The following RADIL variants were observed in gnomAD, a reference collection of about 807,000 sequenced individuals.
The protein encoded by RADIL is Rap associating with DIL domain, also known as ras-associating and dilute domain-containing protein.
RADIL carries 99 observed loss-of-function variants against 97.6 expected under a neutral mutation model. The ratio of observed to expected loss-of-function variants is 1.01; its 90% confidence interval spans 0.86 to 1.20. RADIL has a LOEUF of 1.20. Ranked by LOEUF, RADIL falls within the 50% of genes most tolerant of loss-of-function variation. The probability of loss-of-function intolerance (pLI) is 0.00; values close to 1 mark genes in which losing one functional copy is unlikely to be tolerated. For synonymous variants in RADIL, 803 were observed against 691.8 expected, an observed-to-expected ratio of 1.16 and a Z score of -2.52; for missense variants, 1,765 against 1,498.9, an observed-to-expected ratio of 1.18 and a Z score of -2.93.
At chr7:4,844,987 C>G (rs1783533374) in intron 2 of RADIL, among the ~76,000 whole-genome samples, 1 of 151,100 alleles carries the variant, frequency 6.6e-6, no homozygotes, top group Non-Finnish European at 1.5e-5. Flanking sequence ...AGTGCTAGGA[C>G]TGAGGAAAGG....
intron 10 of RADIL, 154 bp downstream of exon 10, chr7:4,805,412 G>T: frequency 2.2e-6 from 2 of 912,834 alleles, no homozygotes; most frequent in Non-Finnish European, 1.5e-6. Flanking sequence ...GGCGGGGCGG[G>T]GGGGTCCTCT....
intron 12 of RADIL, 64 bp downstream of exon 12, chr7:4,801,589 C>T (rs970450306): frequency 2.1e-5 from 31 of 1,490,252 alleles, no homozygotes; most frequent in African/African-American, 1.4e-4. Context: ...CCCAGGGGAC[C>T]GGCCATCAGG....
In RADIL at chr7:4,872,499, C is replaced by A. The variant is rs1160266711; in HGVS notation, c.535+5106G>T. Among the ~76,000 whole-genome samples, 1 of 152,166 alleles carries A rather than the reference C, an allele frequency of 6.6e-6. No homozygotes were observed. Among genetic ancestry groups the A allele is most frequent in the Non-Finnish European group, 1.5e-5 (1 of 68,038 alleles). On this transcript the variant is annotated intron_variant, in intron 2 of 14. Transcript: ENST00000399583. The surrounding 1 kb of genome is among the most constrained non-coding windows in gnomAD (Gnocchi z 5.8). Reference sequence around the variant, plus strand: ...AAAAACCACATGGCCCTGTCATCGCCCCTCCCCAGTGCATCTAAGTGGCTG... The same window carrying A: ...AAAAACCACATGGCCCTGTCATCGCACCTCCCCAGTGCATCTAAGTGGCTG...
In RADIL at chr7:4,880,202, G is replaced by C. The variant is rs115879853; in HGVS notation, c.-64-1999C>G. ...GGAGCCTTGAGGTTCCATCGAGCCAGGCCATAAAGGAGTAAAGGAGCAAAG... is the reference window on the plus strand; with the variant it reads ...GGAGCCTTGAGGTTCCATCGAGCCACGCCATAAAGGAGTAAAGGAGCAAAG... On this transcript the variant is annotated intron_variant, in intron 1 of 14. Transcript: ENST00000399583. The surrounding 1 kb of genome is among the most constrained non-coding windows in gnomAD (Gnocchi z 4.5). 5.9e-3 allele frequency among the ~76,000 whole-genome samples: 892 copies of C among 152,254 alleles called. 10 individuals carry two copies. The highest frequency in any genetic ancestry group is 0.02 in the African/African-American group (839 of 41,540).
At chr7:4,838,020 C>T (rs1171989406) in intron 2 of RADIL, 3 of 985,446 alleles carry the variant, frequency 3.0e-6, no homozygotes, top group Non-Finnish European at 3.6e-6. Flanking sequence ...CCAGCAGCCC[C>T]GCCGTCCTTC....
In RADIL at chr7:4,803,714, G is replaced by C. The variant is rs1421661427; in HGVS notation, c.2331C>G (p.Val777=). The C allele has an allele frequency of 3.2e-6, 5 of 1,567,764 alleles. No individual in the cohort carries two copies. The highest frequency in any genetic ancestry group is 3.5e-6 in the Non-Finnish European group (4 of 1,157,104). Residue 777 remains valine, a synonymous_variant, in exon 11 of 15, where the codon GTC becomes GTG. Transcript: ENST00000399583. ...CCACCTGGAAGCCGTCGCTGGGCAG[G>C]ACGATGGGTGGGGGGTTTTCGTAGG... ...LESYENPPPI[V]LPSDGFQVDL...
chr7:4,799,792 G>A, intron 13 of RADIL, 23 bp from the exon 14 acceptor site: 1 of 1,494,824 alleles, frequency 6.7e-7, no homozygotes, highest in Non-Finnish European at 8.9e-7. Context: ...AGAGGCCTCA[G>A]AGCTCCGCAG....
chr7:4,880,545 C>A lies in RADIL; in HGVS notation c.-64-2342G>T, dbSNP rs371026088. On this transcript the variant is annotated intron_variant, in intron 1 of 14. Coordinates refer to ENST00000399583, the MANE Select transcript of RADIL (RefSeq NM_018059.5). The surrounding 1 kb of genome is among the most constrained non-coding windows in gnomAD (Gnocchi z 4.5). ...TTATTAACCATCCATGAGAGCTGCA[C>A]AACCCTGCTCCAAAGCACCTCTCCA... Among the ~76,000 whole-genome samples the A allele has an allele frequency of 3.9e-5, 6 of 152,356 alleles. No homozygotes were observed. The East Asian group carries it at 1.2e-3, about 29-fold the overall frequency.
chr7:4,804,407 C>T (rs1029247943), intron 10 of RADIL, among the ~76,000 whole-genome samples: 1 of 152,236 alleles, frequency 6.6e-6, no homozygotes, highest in African/African-American at 2.4e-5. Flanking sequence ...ATCGCCTCTG[C>T]GCCTCCCGCC....
chr7:4,835,061 G>A lies in RADIL; in HGVS notation c.962C>T (p.Pro321Leu). The change falls in exon 4 of 15, where the codon CCC becomes CTC. Residue 321 changes from proline (P) to leucine (L), a missense_variant. Pro to Leu is a moderately conservative substitution (Grantham distance 98). Coordinates refer to ENST00000399583, the MANE Select transcript of RADIL (RefSeq NM_018059.5). The surrounding 1 kb of genome is among the most constrained non-coding windows in gnomAD (Gnocchi z 5.8). ...AAGRLVLEPIPGAHISVNFSE... is the reference protein window; with the variant it reads ...AAGRLVLEPILGAHISVNFSE... ...GAAGTTGACGGAGATGTGCGCCCCG[G>A]GGATGGGCTCCAGGACCAGCCTCCC... 1 of 1,608,332 alleles carries A rather than the reference G, an allele frequency of 6.2e-7. No individual in the cohort carries two copies. The highest frequency in any genetic ancestry group is 8.5e-7 in the Non-Finnish European group (1 of 1,177,960).
At position 4,836,612 on chromosome 7, in the gene RADIL, C is replaced by T; in HGVS notation, c.536-7G>A. The T allele has an allele frequency of 6.2e-7, 1 of 1,605,978 alleles. No individual in the cohort carries two copies. The highest frequency in any genetic ancestry group is 8.5e-7 in the Non-Finnish European group (1 of 1,179,688). Reference sequence around the variant, plus strand: ...CGGGCCTGGGCGTTTATCCCTGGAACAGAAGCAACACAAGGTGAACAGTTA... The same window carrying T: ...CGGGCCTGGGCGTTTATCCCTGGAATAGAAGCAACACAAGGTGAACAGTTA... On this transcript the variant is annotated splice_region_variant and splice_polypyrimidine_tract_variant and intron_variant, in intron 2 of 14. Transcript: ENST00000399583.
At chr7:4,833,552 G>A (rs942630486) in intron 4 of RADIL, among the ~76,000 whole-genome samples, 8 of 152,214 alleles carry the variant, frequency 5.3e-5, no homozygotes, top group Non-Finnish European at 1.5e-5. Flanking sequence ...GGCTCCCACT[G>A]ACATCTGGAC....
Position 4,799,426 on chromosome 7 carries a change from G to C in RADIL, c.3180C>G (p.Ser1060=), listed in dbSNP as rs200348720. 17 of 1,613,724 alleles carry C rather than the reference G, an allele frequency of 1.1e-5. No homozygotes were observed. The highest frequency in any genetic ancestry group is 1.4e-5 in the Non-Finnish European group (16 of 1,179,994). ...GGATCTTCTTGGCTGTTTCCACGTC[G>C]GACTTCGCGACCAGGAACCGCATCT... ...GKKMRFLVAK[S]DVETAKKIHF... Residue 1060 remains serine, a synonymous_variant, in exon 15 of 15, where the codon TCC becomes TCG. Coordinates refer to ENST00000399583, the MANE Select transcript of RADIL (RefSeq NM_018059.5).
At chr7:4,861,899 G>A in intron 2 of RADIL, 1 of 936,042 alleles carries the variant, frequency 1.1e-6, no homozygotes, top group Non-Finnish European at 1.5e-6. Context: ...AGGCGGAAGG[G>A]CAGGGCTTCT....
intron 5 of RADIL, among the ~76,000 whole-genome samples, chr7:4,827,505 C>CA (rs1200748884): frequency 5.4e-4 from 76 of 142,040 alleles, no homozygotes; most frequent in Non-Finnish European, 8.6e-4. Context: ...ACTAAAAATA[C>CA]AAAAAATTAG....
intron 9 of RADIL, chr7:4,806,126 G>A (rs763402668): frequency 1.7e-4 from 153 of 878,734 alleles, no homozygotes; most frequent in Non-Finnish European, 1.9e-4. Context: ...TCATTTAGGT[G>A]ACAGGAGGCA....
rs1314363786 is a variant in RADIL, at chr7:4,873,630, A to C, written c.535+3975T>G. On this transcript the variant is annotated intron_variant, in intron 2 of 14. Coordinates refer to ENST00000399583, the MANE Select transcript of RADIL (RefSeq NM_018059.5). This position sits in a 1 kb window ranked among gnomAD's most constrained non-coding sequence, Gnocchi z 4.3. ...CTTTTGAAACTACACCACCCACTTC[A>C]GTAGGATTTGTTTCACTGCAGCCCC... Among the ~76,000 whole-genome samples, 1 of 152,162 alleles carries C rather than the reference A, an allele frequency of 6.6e-6. No individual in the cohort carries two copies. The highest frequency in any genetic ancestry group is 1.5e-5 in the Non-Finnish European group (1 of 68,036).
chr7:4,881,101 TAAAAAAAAAAAA>T (rs58900044), intron 1 of RADIL, among the ~76,000 whole-genome samples: 29 of 55,222 alleles, frequency 5.3e-4, no homozygotes, highest in African/African-American at 1.6e-3. Flanking sequence ...CCCTCTCTGT[TAAAAAAAAAAAA>T]AAAAAAAAAA....
intron 2 of RADIL, among the ~76,000 whole-genome samples, chr7:4,864,248 C>T (rs531097666): frequency 1.2e-4 from 19 of 152,302 alleles, no homozygotes; most frequent in Admixed American, 3.9e-4. Context: ...GCCTCTGCGA[C>T]ACCATACTCT....
Sources: gnomAD v4.1 joint callset for allele counts (sites outside exome capture counted in the v4.1 genomes callset) on GRCh38, gnomAD v4.1.1 for gene constraint, Gnocchi (gnomAD v3.1) non-coding constraint, MANE v1.5 for transcripts, NCBI Gene and HGNC (gene_info 2026-07-23, HGNC 2026-07-21) for gene names.